The following SMC5 variants were observed in gnomAD, a reference collection of about 807,000 sequenced individuals.
SMC5 encodes structural maintenance of chromosomes protein 5.
A neutral mutation model predicts 148.3 loss-of-function variants in SMC5; 88 were observed. That is an observed-to-expected ratio of 0.59 (90% CI 0.50 to 0.71). The LOEUF is 0.71. Among genes scored for constraint, SMC5 ranks in the 30% least tolerant of loss-of-function variants. SMC5 has a pLI of 0.00. For missense variants in SMC5, 1,142 were observed against 1,298.9 expected, an observed-to-expected ratio of 0.88 and a Z score of 1.86; for synonymous variants, 421 against 432.8, an observed-to-expected ratio of 0.97 and a Z score of 0.34.
Position 70,347,978 on chromosome 9 carries a change from C to A in SMC5, c.2829C>A (p.Phe943Leu), listed in dbSNP as rs2036710209. ...TGGTAGAAAAAATTAATGAAAAATT[C>A]AGCAATTTTTTTAGTTCCATGCAGT... Reference protein sequence around the residue: ...KELVEKINEKFSNFFSSMQCA... With the variant: ...KELVEKINEKLSNFFSSMQCA... The change falls in exon 22 of 25, where the codon TTC becomes TTA. Residue 943 changes from phenylalanine (F) to leucine (L), a missense_variant. By Grantham distance (22) the Phe-to-Leu change is conservative (BLOSUM62 0). Around this residue, in one of 5 missense-constraint regions of SMC5, gnomAD observed 743 missense variants for 835.7 expected, o/e 0.89. Coordinates refer to ENST00000361138, the MANE Select transcript of SMC5 (RefSeq NM_015110.4). 1.2e-6 allele frequency: 2 copies of A among 1,606,730 alleles called. No homozygotes were observed. Among genetic ancestry groups the A allele is most frequent in the Non-Finnish European group, 1.7e-6 (2 of 1,177,224 alleles).
At position 70,300,081 on chromosome 9, in the gene SMC5, A is replaced by G; in HGVS notation, c.1345A>G (p.Met449Val). Residue 449 changes from methionine (M) to valine (V), a missense_variant, in exon 10 of 25, where the codon ATG becomes GTG. Met to Val is a conservative substitution (Grantham distance 21). Coordinates refer to ENST00000361138, the MANE Select transcript of SMC5 (RefSeq NM_015110.4). The stretch of plus-strand genomic sequence containing the variant: ...TCATATTGTACGTTTTGACAATCTT[A>G]TGAATCAGAAGGAAGATAAGCTAAG... ...DDHIVRFDNL[M>V]NQKEDKLRQR... 1 of 1,594,650 alleles carries G rather than the reference A, an allele frequency of 6.3e-7. No homozygotes were observed. Among genetic ancestry groups the G allele is most frequent in the Non-Finnish European group, 8.5e-7 (1 of 1,175,044 alleles).
intron 8 of SMC5, among the ~76,000 whole-genome samples, chr9:70,288,105 A>AT (rs1312476997): frequency 1.3e-5 from 2 of 152,190 alleles, no homozygotes; most frequent in Non-Finnish European, 2.9e-5. Context: ...CCAGACGCAA[A>AT]TACAAAGTTG....
intron 8 of SMC5, among the ~76,000 whole-genome samples, chr9:70,287,221 TAA>T (rs1320028930): frequency 6.6e-6 from 1 of 152,166 alleles, no homozygotes; most frequent in Non-Finnish European, 1.5e-5. Flanking sequence ...GAATATAAAT[TAA>T]AAGTTTTTAA....
intron 24 of SMC5, 29 bp downstream of exon 24, chr9:70,350,500 A>G: frequency 6.8e-7 from 1 of 1,463,476 alleles, no homozygotes; most frequent in Non-Finnish European, 9.3e-7. Context: ...AAAAGTGGTC[A>G]TATACTCAGA....
chr9:70,284,163 G>A (rs2118211193), intron 7 of SMC5, among the ~76,000 whole-genome samples: 1 of 152,278 alleles, frequency 6.6e-6, no homozygotes, highest in South Asian at 2.1e-4. Flanking sequence ...CTATCATGTG[G>A]GAAAAGCTCC....
At chr9:70,328,543 T>A (rs7867727) in intron 17 of SMC5, among the ~76,000 whole-genome samples, 1 of 151,938 alleles carries the variant, frequency 6.6e-6, no homozygotes, top group Non-Finnish European at 1.5e-5. Flanking sequence ...ATGCAAGGAG[T>A]GGGCTCCCAA....
chr9:70,309,682 A>G (rs2035609609), intron 11 of SMC5, among the ~76,000 whole-genome samples: 1 of 152,042 alleles, frequency 6.6e-6, no homozygotes, highest in African/African-American at 2.4e-5. Flanking sequence ...CTCCACTTCC[A>G]ATTCTAGTTC....
chr9:70,291,816 A>G (rs1190150870), intron 8 of SMC5, among the ~76,000 whole-genome samples: 2 of 151,920 alleles, frequency 1.3e-5, no homozygotes, highest in East Asian at 3.9e-4. Context: ...GAGAATGAGG[A>G]TTTATTAGGT....
At position 70,324,082 on chromosome 9, in the gene SMC5, C is replaced by T. The variant is rs749833143; in HGVS notation, c.2336C>T (p.Ser779Phe). 1 of 1,602,028 alleles carries T rather than the reference C, an allele frequency of 6.2e-7. No individual in the cohort carries two copies. ...ATTCTCCAAAATACTACAGTGATCT[C>T]TGAGAAGAACAAATTAGAATCAGAT... is the stretch of plus-strand genomic sequence containing the variant. ...DLILQNTTVISEKNKLESDYM... is the reference protein window; with the variant it reads ...DLILQNTTVIFEKNKLESDYM... Residue 779 changes from serine to phenylalanine, a missense_variant, in exon 17 of 25, where the codon TCT becomes TTT. By Grantham distance (155) the Ser-to-Phe change is radical. Coordinates refer to ENST00000361138, the MANE Select transcript of SMC5 (RefSeq NM_015110.4).
rs1355726962 is a variant in SMC5 at position 70,302,503 on chromosome 9, AT to A, written c.1464+2304del. 9.8e-4 allele frequency among the ~76,000 whole-genome samples: 115 copies of A among 117,336 alleles called. 1 individual carries two copies. Among genetic ancestry groups the A allele is most frequent in the East Asian group, 3.7e-3 (11 of 2,982 alleles). The allele number at this position is 117,336 out of a possible 152,430, so 77.0% of individuals were successfully genotyped here. On this transcript the variant is annotated intron_variant, in intron 10 of 24. Transcript: ENST00000361138. ...CTAGACTCCGTCTCAAGAAAAAAAA[AT>A]ATATATATATATATAAATTAGCTGG...
chr9:70,292,859 G>T (rs1189643194), intron 8 of SMC5, among the ~76,000 whole-genome samples: 1 of 152,102 alleles, frequency 6.6e-6, no homozygotes, highest in Non-Finnish European at 1.5e-5. Flanking sequence ...ACCCCACTTG[G>T]TTGTGGTGTA....
intron 17 of SMC5, among the ~76,000 whole-genome samples, chr9:70,341,603 C>A (rs2036525270): frequency 6.6e-6 from 1 of 152,114 alleles, no homozygotes; most frequent in Non-Finnish European, 1.5e-5. Context: ...AGTATCTATC[C>A]TTTCACTTTT....
chr9:70,262,261 A>G (rs1478531246), intron 1 of SMC5, among the ~76,000 whole-genome samples: 1 of 152,244 alleles, frequency 6.6e-6, no homozygotes, highest in Non-Finnish European at 1.5e-5. Context: ...TTATAGTCAC[A>G]AAACTGAAAG....
At chr9:70,328,843 C>T (rs1173146951) in intron 17 of SMC5, among the ~76,000 whole-genome samples, 1 of 152,236 alleles carries the variant, frequency 6.6e-6, no homozygotes, top group East Asian at 1.9e-4. Context: ...CCTGGACATC[C>T]AGGCATTTCC....
At chr9:70,343,589 A>T (rs192826351) in intron 17 of SMC5, among the ~76,000 whole-genome samples, 22 of 152,160 alleles carry the variant, frequency 1.4e-4, no homozygotes, top group Admixed American at 1.4e-3. Flanking sequence ...CCCAAGGCGG[A>T]TGGATCACTT....
Position 70,277,296 on chromosome 9 carries a change from TATTTTTTA to T in SMC5, c.381-10_381-3del. The T allele has an allele frequency of 6.7e-7, 1 of 1,481,804 alleles. No homozygotes were observed. The highest frequency in any genetic ancestry group is 8.9e-7 in the Non-Finnish European group (1 of 1,118,494). 91.8% of individuals were successfully genotyped at this position (1,481,804 alleles called of 1,614,324 possible). On this transcript the variant is annotated splice_polypyrimidine_tract_variant and splice_region_variant and intron_variant, in intron 3 of 24. Transcript: ENST00000361138. ...ATTTTGAATATAAAGATTCTTAAAT[TATTTTTTA>T]ATTAGGTTCAGGGCTTCTGGAAATC...
At chr9:70,335,890 G>A (rs1263586288) in intron 17 of SMC5, among the ~76,000 whole-genome samples, 5 of 152,094 alleles carry the variant, frequency 3.3e-5, no homozygotes, top group African/African-American at 7.2e-5. Context: ...CTTTTTACTA[G>A]TATTTTTATT....
intron 7 of SMC5, 144 bp from the exon 8 acceptor site, chr9:70,286,056 G>A (rs1429037472): frequency 5.0e-5 from 32 of 634,536 alleles, no homozygotes; most frequent in Non-Finnish European, 9.1e-5. Flanking sequence ...GCAAATAACT[G>A]TTGGTATTTT....
chr9:70,278,349 A>T, intron 4 of SMC5, 142 bp from the exon 5 acceptor site: 4 of 741,576 alleles, frequency 5.4e-6, no homozygotes, highest in Non-Finnish European at 8.4e-6. Flanking sequence ...CATTATTCTA[A>T]AGAATAATGC....
Sources: allele counts gnomAD v4.1 joint callset (sites outside exome capture counted in the v4.1 genomes callset), GRCh38; gene constraint gnomAD v4.1.1; regional missense constraint gnomAD v4.1.1; transcripts MANE v1.5; gene names NCBI Gene and HGNC (gene_info 2026-07-23, HGNC 2026-07-21).